SBF2: variants seen among roughly 807,000 people sequenced by gnomAD.
SBF2 encodes the protein myotubularin-related protein 13.
Under a neutral mutation model 225.2 loss-of-function variants are expected in SBF2, and 112 were observed. The observed-to-expected ratio is 0.50, with a 90% CI of 0.43 to 0.58. The LOEUF is 0.58. Among genes scored for constraint, SBF2 ranks in the 20% least tolerant of loss-of-function variants. SBF2 has a pLI of 0.00. For missense variants in SBF2, 1,996 were observed against 2,206.2 expected (o/e 0.90, Z 1.91); for synonymous variants, 763 against 773.3 (o/e 0.99, Z 0.22).
intron 22 of SBF2, 57 bp from the exon 23 acceptor site, chr11:9,847,140 T>C: frequency 6.3e-7 from 1 of 1,597,586 alleles, no homozygotes. Context: ...ACTTTTAGAG[T>C]GTCTACTGCT....
intron 21 of SBF2, 126 bp from the exon 22 acceptor site, chr11:9,850,344 C>G (rs994114249): frequency 1.2e-6 from 1 of 857,100 alleles, no homozygotes; most frequent in Non-Finnish European, 1.9e-6. Flanking sequence ...CAGCATCAAA[C>G]TCCTGGGCTC....
At chr11:10,200,533 C>A (rs1565348700) in intron 1 of SBF2, among the ~76,000 whole-genome samples, 1 of 152,034 alleles carries the variant, frequency 6.6e-6, no homozygotes, top group Non-Finnish European at 1.5e-5. Flanking sequence ...ACATGTAAAT[C>A]CCTTTTTAAA....
At chr11:10,176,380 CA>C (rs1423049338) in intron 2 of SBF2, among the ~76,000 whole-genome samples, 3 of 151,614 alleles carry the variant, frequency 2.0e-5, no homozygotes, top group African/African-American at 7.3e-5. Context: ...AAAAACCCTT[CA>C]AAAAATTAAT....
intron 2 of SBF2, among the ~76,000 whole-genome samples, chr11:10,098,679 G>GCACA (rs56244507): frequency 0.015 from 1,904 of 130,852 alleles, 18 homozygotes; most frequent in African/African-American, 0.028. Flanking sequence ...GACAAAAAAT[G>GCACA]CACACACACA....
chr11:10,086,462 C>T (rs11042615), intron 2 of SBF2, among the ~76,000 whole-genome samples: 32,742 of 152,090 alleles, frequency 0.22, 4,149 homozygotes, highest in Non-Finnish European at 0.29. Context: ...ATATAAGTGG[C>T]TTGCTTATTG....
intron 17 of SBF2, among the ~76,000 whole-genome samples, chr11:9,887,451 G>A (rs926081603): frequency 1.3e-5 from 2 of 151,992 alleles, no homozygotes; most frequent in African/African-American, 2.4e-5. Context: ...TAGGATAGAG[G>A]AACAGTTTTT....
intron 3 of SBF2, among the ~76,000 whole-genome samples, chr11:10,040,162 G>C (rs986795488): frequency 6.6e-6 from 1 of 152,016 alleles, no homozygotes; most frequent in Non-Finnish European, 1.5e-5. Flanking sequence ...CATAGTGTTA[G>C]AGTGTCTTCT....
chr11:10,296,009 A>G (rs1464007911), upstream of SBF2, among the ~76,000 whole-genome samples: 1 of 152,090 alleles, frequency 6.6e-6, no homozygotes, highest in Non-Finnish European at 1.5e-5. Context: ...CATCACCCAA[A>G]AGAAAACCTC....
chr11:9,935,955 T>C (rs951367704), intron 16 of SBF2, among the ~76,000 whole-genome samples: 2 of 151,844 alleles, frequency 1.3e-5, no homozygotes, highest in Non-Finnish European at 2.9e-5. Flanking sequence ...AATAGACAAA[T>C]GGGATCTAAT....
intron 16 of SBF2, among the ~76,000 whole-genome samples, chr11:9,918,631 A>G (rs527785028): frequency 1.3e-5 from 2 of 152,272 alleles, no homozygotes; most frequent in South Asian, 2.1e-4. Flanking sequence ...TTGGCCTTCC[A>G]AAGTGCTGAG....
At chr11:9,923,962 G>A (rs1863831259) in intron 16 of SBF2, among the ~76,000 whole-genome samples, 1 of 152,194 alleles carries the variant, frequency 6.6e-6, no homozygotes, top group Admixed American at 6.5e-5. Context: ...CTAAATCTCT[G>A]TAAGGGCTTT....
chr11:9,849,905 T>A, intron 22 of SBF2, 118 bp downstream of exon 22: 1 of 960,180 alleles, frequency 1.0e-6, no homozygotes, highest in Non-Finnish European at 1.7e-6. Context: ...CCAAAATACC[T>A]GTGTGGCAAA....
chr11:10,272,334 T>A, intron 1 of SBF2: 1 of 702,156 alleles, frequency 1.4e-6, no homozygotes, highest in Non-Finnish European at 2.2e-6. Flanking sequence ...TCACTGTAAC[T>A]AAGGCTTACT....
chr11:10,123,237 G>A (rs776529304), intron 2 of SBF2, among the ~76,000 whole-genome samples: 2 of 152,072 alleles, frequency 1.3e-5, no homozygotes, highest in South Asian at 2.1e-4. Flanking sequence ...GGAAGAGTTC[G>A]ACAAACAGAA....
intron 2 of SBF2, among the ~76,000 whole-genome samples, chr11:10,064,656 G>C (rs1447887305): frequency 6.6e-6 from 1 of 152,156 alleles, no homozygotes; most frequent in African/African-American, 2.4e-5. Context: ...TATCAACGTA[G>C]ATTTCAGAAA....
At chr11:10,281,947 A>G (rs1205398157) in intron 1 of SBF2, among the ~76,000 whole-genome samples, 1 of 152,184 alleles carries the variant, frequency 6.6e-6, no homozygotes, top group East Asian at 1.9e-4. Context: ...TCAACAAGCC[A>G]TGAGTTGCAG....
intron 4 of SBF2, among the ~76,000 whole-genome samples, 161 bp downstream of exon 4, chr11:10,030,887 C>G (rs963778224): frequency 6.6e-6 from 1 of 152,120 alleles, no homozygotes; most frequent in Non-Finnish European, 1.5e-5. Context: ...ATTTATTTCA[C>G]CCAACATGAA....
intron 21 of SBF2, among the ~76,000 whole-genome samples, chr11:9,851,955 T>C (rs1385422767): frequency 6.6e-6 from 1 of 152,160 alleles, no homozygotes; most frequent in Non-Finnish European, 1.5e-5. Context: ...TTATTTTTTG[T>C]AGAGATGGGG....
chr11:10,122,298 G>A lies in SBF2; in HGVS notation c.141+71604C>T, dbSNP rs527389320. On this transcript the variant is annotated intron_variant, in intron 2 of 39. Transcript: ENST00000256190. ...GATGAAAAAGGCATTAAATTTGTGGGTGGAAGACAGGAATAAAAATGTATT... is the reference window on the plus strand; with the variant it reads ...GATGAAAAAGGCATTAAATTTGTGGATGGAAGACAGGAATAAAAATGTATT... 1.3e-5 allele frequency among the ~76,000 whole-genome samples: 2 copies of A among 152,290 alleles called. 1 individual carries two copies. Among genetic ancestry groups the A allele is most frequent in the South Asian group, 4.1e-4 (2 of 4,832 alleles).
Sources: allele counts gnomAD v4.1 joint callset (sites outside exome capture counted in the v4.1 genomes callset), GRCh38; gene constraint gnomAD v4.1.1; transcripts MANE v1.5; gene names NCBI Gene and HGNC (gene_info 2026-07-23, HGNC 2026-07-21).